The following TPM1 variants were observed in gnomAD, a reference collection of about 807,000 sequenced individuals.
TPM1 encodes the protein tropomyosin 1, also known as tropomyosin alpha-1 chain.
In TPM1, 24 loss-of-function variants were observed where a neutral mutation model predicts 42.9. The observed-to-expected ratio is 0.56, with a 90% CI of 0.41 to 0.79. TPM1 has a LOEUF of 0.79. Among genes scored for constraint, TPM1 ranks in the 30% least tolerant of loss-of-function variants. The pLI is 0.00. For synonymous variants in TPM1, 136 were observed against 130.1 expected, an observed-to-expected ratio of 1.05 and a Z score of -0.31; for missense variants, 158 against 351.8, an observed-to-expected ratio of 0.45 and a Z score of 4.41.
At chr15:63,068,774 G>A (rs964647863), downstream of TPM1, among the ~76,000 whole-genome samples, 1 of 152,254 alleles carries the variant, frequency 6.6e-6, no homozygotes, top group African/African-American at 2.4e-5. Flanking sequence ...TATCACGCTG[G>A]TCTTCATGTA....
intron 2 of TPM1, among the ~76,000 whole-genome samples, chr15:63,049,612 G>A (rs1468640450): frequency 6.6e-6 from 1 of 152,178 alleles, no homozygotes; most frequent in African/African-American, 2.4e-5. Flanking sequence ...ACAATTGATA[G>A]TATGATGTCC....
At chr15:63,070,885 A>C (rs1595699594), downstream of TPM1, 3 of 1,359,420 alleles carry the variant, frequency 2.2e-6, no homozygotes, top group South Asian at 1.5e-5. Context: ...CTCTGTGAGA[A>C]TCCGTGCCAT....
downstream of TPM1, chr15:63,070,306 A>ATATG (rs58377224): frequency 3.9e-5 from 26 of 674,978 alleles, no homozygotes; most frequent in Middle Eastern, 7.4e-4. Context: ...ATATATATAT[A>ATATG]TGTGTGTGTG....
chr15:63,049,708 A>T (rs889308722), intron 2 of TPM1, among the ~76,000 whole-genome samples: 1 of 152,236 alleles, frequency 6.6e-6, no homozygotes, highest in African/African-American at 2.4e-5. Flanking sequence ...CTGGCCACAG[A>T]AACTTCAAGA....
chr15:63,065,163 A>G (rs2073566283), intron 9 of TPM1: 8 of 985,556 alleles, frequency 8.1e-6, no homozygotes, highest in Non-Finnish European at 9.6e-6. Flanking sequence ...GTTAGGCAGT[A>G]AGAGTTGGAG....
intron 2 of TPM1, among the ~76,000 whole-genome samples, chr15:63,055,519 T>G (rs1756852182): frequency 6.6e-6 from 1 of 152,218 alleles, no homozygotes; most frequent in Non-Finnish European, 1.5e-5. Context: ...GTTGCTTTTA[T>G]TAAAATTAGG....
At chr15:63,052,218 T>A (rs1001512134) in intron 2 of TPM1, among the ~76,000 whole-genome samples, 1 of 152,232 alleles carries the variant, frequency 6.6e-6, no homozygotes, top group African/African-American at 2.4e-5. Context: ...GCACATGGGC[T>A]GCTGTTAGAA....
At chr15:63,048,268 C>A (rs1485471697) in intron 2 of TPM1, 4 of 562,600 alleles carry the variant, frequency 7.1e-6, no homozygotes, top group East Asian at 1.2e-4. Flanking sequence ...TCACCAGGTA[C>A]CCCCGCAGCG....
rs3803503 is a variant in TPM1 at position 63,062,397 on chromosome 15, G to A, written c.702+120G>A. 2,129 of 1,302,868 alleles carry A rather than the reference G, an allele frequency of 1.6e-3. 57 individuals are homozygous for A. In the East Asian group the frequency reaches 0.04, roughly 24 times the overall value. The allele number at this position is 1,302,868 out of a possible 1,614,324, so 80.7% of individuals were successfully genotyped here. ...TCCAAGTCAGGAATATTCAAAGGTC[G>A]CCTTGGAGTTTATGTACTGTGCTAA... is the stretch of plus-strand genomic sequence containing the variant. On this transcript the variant is annotated intron_variant, in intron 7 of 9. Coordinates refer to ENST00000403994, the MANE Select transcript of TPM1 (RefSeq NM_001018005.2).
exon 9 of TPM1, chr15:63,071,398 G>A (rs2036601496): frequency 2.0e-6 from 1 of 492,374 alleles, no homozygotes. Context: ...GCCACACTTT[G>A]TAGAGAGTTT....
At chr15:63,053,105 G>A (rs1487973634) in intron 2 of TPM1, among the ~76,000 whole-genome samples, 1 of 152,170 alleles carries the variant, frequency 6.6e-6, no homozygotes, top group Non-Finnish European at 1.5e-5. Context: ...ATTGACTTCT[G>A]GGCTAGGGAG....
intron 5 of TPM1, chr15:63,061,173 G>C: frequency 6.2e-7 from 1 of 1,612,598 alleles, no homozygotes. Context: ...GAATGGCCTT[G>C]TGCATTTCCT....
chr15:63,054,535 C>T (rs1472973571), intron 2 of TPM1: 2 of 152,242 alleles, frequency 1.3e-5, no homozygotes, highest in African/African-American at 4.8e-5. Context: ...AGAGACCTGT[C>T]ACCCAGAGGG....
At chr15:63,051,992 G>T (rs1301542241) in intron 2 of TPM1, among the ~76,000 whole-genome samples, 2 of 151,336 alleles carry the variant, frequency 1.3e-5, no homozygotes, top group Non-Finnish European at 2.9e-5. Context: ...TGGGGTGGGG[G>T]AATGGGGTGC....
chr15:63,060,674 G>A (rs2035488445), intron 4 of TPM1, among the ~76,000 whole-genome samples, 195 bp from the exon 5 acceptor site: 1 of 152,190 alleles, frequency 6.6e-6, no homozygotes, highest in Admixed American at 6.5e-5. Flanking sequence ...CTGAGTCAAA[G>A]CAGAAGCCTC....
chr15:63,060,972 G>C, intron 5 of TPM1, 33 bp downstream of exon 5: 1 of 1,612,592 alleles, frequency 6.2e-7, no homozygotes, highest in Non-Finnish European at 8.5e-7. Flanking sequence ...GGCCACGAAT[G>C]GGGTGCTGCA....
chr15:63,044,127 A>G lies in TPM1; in HGVS notation c.215A>G (p.Glu72Gly), dbSNP rs1358909905. 6.2e-7 allele frequency: 1 copy of G among 1,614,198 alleles called. No individual in the cohort carries two copies. The highest frequency in any genetic ancestry group is 2.2e-5 in the East Asian group (1 of 44,880). ...CTCAAAGATGCCCAGGAGAAGCTGGAGCTGGCAGAGAAAAAGGCCACCGAT... is the reference window on the plus strand; with the variant it reads ...CTCAAAGATGCCCAGGAGAAGCTGGGGCTGGCAGAGAAAAAGGCCACCGAT... ...EALKDAQEKL[E>G]LAEKKATDAE... Residue 72 changes from glutamate (E) to glycine (G), a missense_variant, in exon 2 of 10, where the codon GAG (glutamate) becomes GGG (glycine). Transcript: ENST00000403994.
At chr15:63,060,457 G>C (rs1309475558) in intron 4 of TPM1, among the ~76,000 whole-genome samples, 1 of 152,198 alleles carries the variant, frequency 6.6e-6, no homozygotes, top group Non-Finnish European at 1.5e-5. Context: ...TAAGGAGGTA[G>C]ATGCACAGAT....
At chr15:63,061,884 A>G (rs1397311083) in intron 6 of TPM1, 96 bp downstream of exon 6, 34 of 1,109,638 alleles carry the variant, frequency 3.1e-5, no homozygotes, top group Non-Finnish European at 4.2e-5. Context: ...ACATTTTAGT[A>G]AAATGGCAAT....
Sources: gnomAD v4.1 joint callset for allele counts (sites outside exome capture counted in the v4.1 genomes callset) on GRCh38, gnomAD v4.1.1 for gene constraint, MANE v1.5 for transcripts, NCBI Gene and HGNC (gene_info 2026-07-23, HGNC 2026-07-21) for gene names.